The following PTPRD variants were observed in gnomAD, a reference collection of about 807,000 sequenced individuals.
PTPRD encodes the protein protein tyrosine phosphatase receptor type D.
A neutral mutation model predicts 214.5 loss-of-function variants in PTPRD; 34 were observed. The ratio of observed to expected loss-of-function variants is 0.16; its 90% CI spans 0.12 to 0.21. The LOEUF (loss-of-function observed/expected upper bound fraction) is 0.21. Among genes scored for constraint, PTPRD ranks in the 10% least tolerant of loss-of-function variants. The probability of loss-of-function intolerance (pLI) is 1.00; values close to 1 mark genes in which losing one functional copy is unlikely to be tolerated. For missense variants in PTPRD, 2,545 were observed against 2,398.7 expected, an observed-to-expected ratio of 1.06 and a Z score of -1.27; for synonymous variants, 1,128 against 845.7, an observed-to-expected ratio of 1.33 and a Z score of -5.79.
intron 7 of PTPRD, among the ~76,000 whole-genome samples, chr9:9,628,083 T>C (rs933354114): frequency 1.3e-5 from 2 of 152,224 alleles, no homozygotes; most frequent in Admixed American, 1.3e-4. Flanking sequence ...TTCCCACTTA[T>C]ATTGTTTCTC....
At chr9:8,579,290 C>T (rs1374611913) in intron 14 of PTPRD, among the ~76,000 whole-genome samples, 1 of 152,096 alleles carries the variant, frequency 6.6e-6, no homozygotes, top group Non-Finnish European at 1.5e-5. Context: ...GGATCTAATG[C>T]TAATGCTCTC....
chr9:10,261,834 G>A (rs2093718923), intron 3 of PTPRD, among the ~76,000 whole-genome samples: 1 of 152,050 alleles, frequency 6.6e-6, no homozygotes, highest in Non-Finnish European at 1.5e-5. Context: ...TTCTATACCA[G>A]GTATCAAAGT....
rs145186021 is a variant in PTPRD at position 10,224,086 on chromosome 9, A to C, written c.-545+116877T>G. Among the ~76,000 whole-genome samples, 185 of 152,106 alleles carry C rather than the reference A, an allele frequency of 1.2e-3. 3 individuals are homozygous for C. The South Asian group carries it at 0.036, about 29-fold the overall frequency. On this transcript the variant is annotated intron_variant, in intron 3 of 45. Coordinates refer to ENST00000381196, the MANE Select transcript of PTPRD (RefSeq NM_002839.4). ...ATCTTCATATAATATTAAGTCTATGAAGATAATTTCAGTTGCCTCTTGAGA... is the reference window on the plus strand; with the variant it reads ...ATCTTCATATAATATTAAGTCTATGCAGATAATTTCAGTTGCCTCTTGAGA...
At chr9:9,069,848 A>T (rs954357649) in intron 10 of PTPRD, among the ~76,000 whole-genome samples, 1 of 152,224 alleles carries the variant, frequency 6.6e-6, no homozygotes, top group African/African-American at 2.4e-5. Flanking sequence ...TCACTAAAGC[A>T]GTGCCAGATT....
intron 7 of PTPRD, among the ~76,000 whole-genome samples, chr9:9,639,970 G>T (rs1414634966): frequency 6.6e-6 from 1 of 152,172 alleles, no homozygotes; most frequent in African/African-American, 2.4e-5. Context: ...ATTACTTGAT[G>T]ATAGAAACAC....
intron 9 of PTPRD, among the ~76,000 whole-genome samples, chr9:9,330,041 G>C (rs2041717861): frequency 6.6e-6 from 1 of 152,064 alleles, no homozygotes; most frequent in African/African-American, 2.4e-5. Context: ...AAAAATTTAG[G>C]ATGGCGGATT....
intron 2 of PTPRD, among the ~76,000 whole-genome samples, chr9:10,352,124 C>A (rs1022277424): frequency 7.2e-5 from 11 of 152,112 alleles, no homozygotes; most frequent in African/African-American, 1.9e-4. Flanking sequence ...ATATTTATCT[C>A]ATTAACCTTT....
chr9:9,876,930 C>T (rs1242329488), intron 5 of PTPRD, among the ~76,000 whole-genome samples: 1 of 152,066 alleles, frequency 6.6e-6, no homozygotes, highest in Admixed American at 6.6e-5. Context: ...TTTAAATAGA[C>T]TAATTTTATT....
intron 10 of PTPRD, among the ~76,000 whole-genome samples, chr9:9,018,963 T>C (rs1055553432): frequency 2.6e-5 from 4 of 152,144 alleles, no homozygotes; most frequent in Admixed American, 2.0e-4. Flanking sequence ...GTTATGATTG[T>C]TCTGGAAAAA....
intron 3 of PTPRD, among the ~76,000 whole-genome samples, chr9:10,270,545 C>T (rs779223466): frequency 3.0e-4 from 45 of 152,116 alleles, no homozygotes; most frequent in Non-Finnish European, 5.4e-4. Flanking sequence ...ATGTTAAATG[C>T]AGAACTGCCA....
At chr9:9,350,441 AAG>A (rs1424305778) in intron 9 of PTPRD, among the ~76,000 whole-genome samples, 1 of 152,060 alleles carries the variant, frequency 6.6e-6, no homozygotes, top group Non-Finnish European at 1.5e-5. Flanking sequence ...ACTCCTCTGT[AAG>A]AGTCTCTAAA....
chr9:8,356,690 T>A (rs2077067740), intron 39 of PTPRD, among the ~76,000 whole-genome samples: 2 of 152,222 alleles, frequency 1.3e-5, no homozygotes, highest in African/African-American at 4.8e-5. Context: ...CAGCTGTTTG[T>A]TCTGATAGAA....
intron 9 of PTPRD, among the ~76,000 whole-genome samples, chr9:9,261,422 G>C (rs1401342164): frequency 2.6e-5 from 4 of 151,798 alleles, no homozygotes; most frequent in Non-Finnish European, 4.4e-5. Flanking sequence ...ATCTGTGGTA[G>C]GTACTTTATT....
intron 8 of PTPRD, among the ~76,000 whole-genome samples, chr9:9,568,858 G>A (rs62534663): frequency 2.7e-4 from 41 of 151,728 alleles, no homozygotes; most frequent in South Asian, 8.3e-4. Context: ...AGCTCTCCAG[G>A]ACTATAAATT....
At chr9:10,064,796 C>G (rs142802776) in intron 3 of PTPRD, among the ~76,000 whole-genome samples, 1 of 151,920 alleles carries the variant, frequency 6.6e-6, no homozygotes, top group East Asian at 1.9e-4. Flanking sequence ...CATGTACTCC[C>G]TGAATCTAAA....
chr9:10,317,950 TA>T (rs777654810), intron 3 of PTPRD, among the ~76,000 whole-genome samples: 19 of 152,074 alleles, frequency 1.2e-4, no homozygotes, highest in Admixed American at 2.6e-4. Flanking sequence ...GACATTTGAA[TA>T]ACTACTAAAA....
intron 2 of PTPRD, among the ~76,000 whole-genome samples, chr9:10,539,763 G>T (rs1386795028): frequency 6.6e-6 from 1 of 152,078 alleles, no homozygotes; most frequent in Admixed American, 6.6e-5. Context: ...TTTCAGATCC[G>T]CTTTGGAGGC....
intron 27 of PTPRD, among the ~76,000 whole-genome samples, chr9:8,486,827 T>A (rs995875509): frequency 2.6e-5 from 4 of 152,186 alleles, no homozygotes; most frequent in Non-Finnish European, 5.9e-5. Flanking sequence ...CATTCTCGGA[T>A]TAGTTATTAT....
chr9:9,595,550 TTGTGTG>T (rs58995675), intron 7 of PTPRD, among the ~76,000 whole-genome samples: 2,195 of 147,318 alleles, frequency 0.015, 27 homozygotes, highest in Non-Finnish European at 0.02. Flanking sequence ...GTATGTGTGT[TTGTGTG>T]TGTGTGTGTG....
Sources: gnomAD v4.1 joint callset for allele counts (sites outside exome capture counted in the v4.1 genomes callset) on GRCh38, gnomAD v4.1.1 for gene constraint, MANE v1.5 for transcripts, NCBI Gene and HGNC (gene_info 2026-07-23, HGNC 2026-07-21) for gene names.